The following INSC variants were observed in gnomAD, a reference collection of about 807,000 sequenced individuals.
INSC encodes INSC spindle orientation adaptor protein.
In INSC, 67 loss-of-function variants were observed where a neutral mutation model predicts 58.6. That is an observed-to-expected ratio of 1.14 (90% CI 0.94 to 1.40). The LOEUF (loss-of-function observed/expected upper bound fraction) is 1.40. INSC is among the 40% of genes most tolerant of loss of function. The pLI is 0.00. For synonymous variants in INSC, 262 were observed against 276.1 expected, an observed-to-expected ratio of 0.95 and a Z score of 0.51; for missense variants, 714 against 692.0, an observed-to-expected ratio of 1.03 and a Z score of -0.36.
At chr11:15,256,593 G>T in the INSC span, among the ~76,000 whole-genome samples, 1 of 151,706 alleles carries the variant, frequency 6.6e-6, no homozygotes, top group Non-Finnish European at 1.5e-5. Context: ...AGTTTCAAGC[G>T]ATTCTCTTGC....
chr11:15,171,293 T>C (rs933483405), intron 2 of INSC, among the ~76,000 whole-genome samples: 3 of 152,120 alleles, frequency 2.0e-5, no homozygotes, highest in Admixed American at 2.0e-4. Context: ...GTGCTGTAAT[T>C]TGGCTGTTTT....
At chr11:15,214,912 C>T (rs529495680) in intron 7 of INSC, among the ~76,000 whole-genome samples, 141 of 152,308 alleles carry the variant, frequency 9.3e-4, no homozygotes, top group Non-Finnish European at 1.4e-3. Flanking sequence ...TACAGAATGA[C>T]GCAGCAAGTG....
At chr11:15,173,746 A>G (rs779180736) in intron 2 of INSC, among the ~76,000 whole-genome samples, 5 of 152,192 alleles carry the variant, frequency 3.3e-5, no homozygotes, top group Non-Finnish European at 7.3e-5. Context: ...AAACAATTTA[A>G]AAAGCAATTT....
upstream of INSC, among the ~76,000 whole-genome samples, chr11:15,113,247 G>A (rs892049193): frequency 1.3e-5 from 2 of 151,670 alleles, no homozygotes; most frequent in African/African-American, 2.4e-5. Context: ...TGCAACCTCC[G>A]ACTCATTGGT....
chr11:15,140,685 C>A (rs1003437067), intron 1 of INSC, among the ~76,000 whole-genome samples: 5 of 151,470 alleles, frequency 3.3e-5, no homozygotes, highest in African/African-American at 1.2e-4. Context: ...TTCAGGCAGT[C>A]CCCCCACCTC....
chr11:15,149,455 C>A (rs1285459529), intron 2 of INSC, among the ~76,000 whole-genome samples: 2 of 152,198 alleles, frequency 1.3e-5, no homozygotes, highest in East Asian at 3.8e-4. Context: ...CCCTAATGAG[C>A]TGAAGTCTAA....
Position 15,246,183 on chromosome 11 carries a change from A to C in INSC, c.*143A>C, listed in dbSNP as rs1013781610. 33 of 763,904 alleles carry C rather than the reference A, an allele frequency of 4.3e-5. 1 individual carries two copies. In the Middle Eastern group the frequency reaches 1.3e-3, roughly 31 times the overall value. The allele number at this position is 763,904 out of a possible 1,614,324, so 47.3% of individuals were successfully genotyped here. On this transcript the variant is annotated 3_prime_UTR_variant, in exon 13 of 13. Transcript: ENST00000379556. ...TTTGTGTGAAATAAATGGAGGACAA[A>C]ATCTTAGAGCAACATCATCAAACAG...
intron 1 of INSC, among the ~76,000 whole-genome samples, chr11:15,148,061 AG>A (rs1367266661): frequency 4.6e-5 from 7 of 152,354 alleles, no homozygotes; most frequent in African/African-American, 1.7e-4. Flanking sequence ...GGAGCACAGC[AG>A]GGACAAGGCG....
chr11:15,175,835 C>T lies in INSC; in HGVS notation c.151C>T (p.Pro51Ser), dbSNP rs1403319921. Residue 51 changes from proline to serine, a missense_variant, in exon 3 of 13, where the codon CCC (proline) becomes TCC (serine). By Grantham distance (74) the Pro-to-Ser change is moderately conservative. Coordinates refer to ENST00000379556, the MANE Select transcript of INSC (RefSeq NM_001042536.3). ...GTGCATGTGTGTCCTGCAGGCCAAG[C>T]CCATCAGCCTGGAAGAGGATGCACA... ...CECMCVLQAK[P>S]ISLEEDAQGD... The T allele has an allele frequency of 6.2e-7, 1 of 1,612,098 alleles. No homozygotes were observed. The highest frequency in any genetic ancestry group is 2.2e-5 in the East Asian group (1 of 44,800).
At chr11:15,125,745 T>A (rs1218977927) in intron 1 of INSC, among the ~76,000 whole-genome samples, 2 of 152,188 alleles carry the variant, frequency 1.3e-5, no homozygotes, top group African/African-American at 4.8e-5. Flanking sequence ...CATATTCTTG[T>A]GGGACTTTGG....
chr11:15,192,616 A>G (rs920409994), intron 6 of INSC, among the ~76,000 whole-genome samples: 4 of 152,228 alleles, frequency 2.6e-5, no homozygotes, highest in Non-Finnish European at 2.9e-5. Flanking sequence ...ACAAATTCAC[A>G]GATCCAAAAT....
At chr11:15,226,602 A>G (rs1390270047) in intron 9 of INSC, among the ~76,000 whole-genome samples, 1 of 152,118 alleles carries the variant, frequency 6.6e-6, no homozygotes, top group African/African-American at 2.4e-5. Context: ...TCTAAGTTAC[A>G]TGATCCTCTC....
chr11:15,265,933 C>T, the INSC span, among the ~76,000 whole-genome samples: 2 of 149,524 alleles, frequency 1.3e-5, no homozygotes, highest in South Asian at 4.2e-4. Flanking sequence ...ACATGAAATC[C>T]TTTGCCTCAG....
chr11:15,228,325 C>G (rs1330904355), intron 9 of INSC, among the ~76,000 whole-genome samples: 1 of 152,220 alleles, frequency 6.6e-6, no homozygotes, highest in Non-Finnish European at 1.5e-5. Flanking sequence ...TGAAGCCTCA[C>G]TGAGTCCTAG....
chr11:15,209,340 G>A (rs879472955), intron 7 of INSC, among the ~76,000 whole-genome samples: 2 of 152,344 alleles, frequency 1.3e-5, no homozygotes, highest in Admixed American at 1.3e-4. Context: ...ACAAGTCAAT[G>A]CTCCATAGAT....
chr11:15,230,856 A>G (rs539653605), intron 9 of INSC, among the ~76,000 whole-genome samples: 1 of 152,166 alleles, frequency 6.6e-6, no homozygotes, highest in Non-Finnish European at 1.5e-5. Flanking sequence ...GGCTTTTATC[A>G]TGTGGTCTCC....
At chr11:15,112,468 C>T (rs1447746533), upstream of INSC, 13 of 1,602,746 alleles carry the variant, frequency 8.1e-6, no homozygotes, top group African/African-American at 4.0e-5. Flanking sequence ...AAGGCTGGAG[C>T]CATGAGACGG....
intron 7 of INSC, among the ~76,000 whole-genome samples, chr11:15,204,763 G>A (rs1340406026): frequency 2.6e-5 from 4 of 152,228 alleles, no homozygotes; most frequent in African/African-American, 7.2e-5. Context: ...AGCCTTCTCC[G>A]CCTGATTTAC....
Position 15,238,767 on chromosome 11 carries a change from G to A in INSC, c.1238-152G>A, listed in dbSNP as rs192084396. ...ACCCTCAGGAGAAGAAGGCATGGAGGAACAGCCTTGTCCAGCTTCCTCCCT... is the reference window on the plus strand; with the variant it reads ...ACCCTCAGGAGAAGAAGGCATGGAGAAACAGCCTTGTCCAGCTTCCTCCCT... On this transcript the variant is annotated intron_variant, in intron 10 of 12. Transcript: ENST00000379556. The A allele has an allele frequency of 2.2e-3, 1,512 of 691,488 alleles. 5 individuals are homozygous for A. The highest frequency in any genetic ancestry group is 6.2e-3 in the Admixed American group (204 of 32,684). 42.8% of individuals were successfully genotyped at this position (691,488 alleles called of 1,614,324 possible).
Sources: allele counts gnomAD v4.1 joint callset (sites outside exome capture counted in the v4.1 genomes callset), GRCh38; gene constraint gnomAD v4.1.1; transcripts MANE v1.5; gene names NCBI Gene and HGNC (gene_info 2026-07-23, HGNC 2026-07-21).